The following GSG1L variants were observed in gnomAD, a reference collection of about 807,000 sequenced individuals.
The protein encoded by GSG1L is germ cell-specific gene 1-like protein.
GSG1L carries 24 observed loss-of-function variants against 42.1 expected under a neutral mutation model. That is an observed-to-expected ratio of 0.57 (90% CI 0.41 to 0.80). The LOEUF is 0.80. Among genes scored for constraint, GSG1L ranks in the 30% least tolerant of loss-of-function variants. The pLI, the probability that GSG1L is intolerant of heterozygous loss-of-function variation, is 0.00. For missense variants in GSG1L, 445 were observed against 472.2 expected (o/e 0.94, Z 0.53); for synonymous variants, 215 against 203.5 (o/e 1.06, Z -0.48).
chr16:27,933,399 C>A (rs1421346151), intron 2 of GSG1L, among the ~76,000 whole-genome samples: 1 of 152,090 alleles, frequency 6.6e-6, no homozygotes, highest in Non-Finnish European at 1.5e-5. Context: ...GGAATCCCAG[C>A]ACTTTGAGAA....
chr16:27,956,800 GA>G (rs750646949), intron 2 of GSG1L, among the ~76,000 whole-genome samples: 2,170 of 142,988 alleles, frequency 0.015, 58 homozygotes, highest in African/African-American at 0.052. Context: ...GACATGTGAG[GA>G]AAAAAAAAAA....
rs1417431514 is a variant in GSG1L at position 27,888,398 on chromosome 16, CTCCTTCTTTCTT to C, written c.398-3772_398-3761del. ...TGTGGTTCTTTCTTTCTTTTCTTTTCTCCTTCTTTCTTTCTTTCTTTCTTTCTTTCTTTCTTT... is the reference window on the plus strand; with the variant it reads ...TGTGGTTCTTTCTTTCTTTTCTTTTCTCTTTCTTTCTTTCTTTCTTTCTTT... On this transcript the variant is annotated intron_variant, in intron 2 of 6. Coordinates refer to ENST00000447459, the MANE Select transcript of GSG1L (RefSeq NM_001109763.2). Among the ~76,000 whole-genome samples, 12 of 141,174 alleles carry C rather than the reference CTCCTTCTTTCTT, an allele frequency of 8.5e-5. 1 individual carries two copies. The highest frequency in any genetic ancestry group is 6.4e-4 in the East Asian group (3 of 4,658). 92.6% of individuals were successfully genotyped at this position (141,174 alleles called of 152,430 possible).
intron 2 of GSG1L, among the ~76,000 whole-genome samples, chr16:27,958,721 G>A (rs765591374): frequency 1.6e-4 from 25 of 151,914 alleles, no homozygotes; most frequent in Admixed American, 2.6e-4. Flanking sequence ...TGTTGCCCAG[G>A]CTGGAGTGCA....
At chr16:27,838,659 T>C (rs1644617) in intron 4 of GSG1L, among the ~76,000 whole-genome samples, 48,862 of 152,018 alleles carry the variant, frequency 0.32, 8,052 homozygotes, top group Admixed American at 0.43. Flanking sequence ...GAGGTTGTAA[T>C]GGATCACTAA....
chr16:27,856,246 G>A (rs1391515554), intron 3 of GSG1L, among the ~76,000 whole-genome samples: 3 of 152,190 alleles, frequency 2.0e-5, no homozygotes, highest in African/African-American at 7.2e-5. Context: ...GGAGGGCAGG[G>A]ACAGTGGGGG....
chr16:27,914,279 A>T (rs563669578), intron 2 of GSG1L, among the ~76,000 whole-genome samples: 1 of 152,326 alleles, frequency 6.6e-6, no homozygotes, highest in South Asian at 2.1e-4. Context: ...ACCAGCAAAA[A>T]GACTGGAAAC....
At chr16:27,947,047 G>A (rs1380378782) in intron 2 of GSG1L, among the ~76,000 whole-genome samples, 2 of 152,216 alleles carry the variant, frequency 1.3e-5, no homozygotes, top group Non-Finnish European at 2.9e-5. Flanking sequence ...AGCCAGAGCT[G>A]GAATCTGAAC....
At chr16:27,796,255 C>T (rs2082816690) in intron 6 of GSG1L, among the ~76,000 whole-genome samples, 1 of 152,204 alleles carries the variant, frequency 6.6e-6, no homozygotes, top group Non-Finnish European at 1.5e-5. Context: ...AACTGTCTGT[C>T]TGCCCAACCT....
chr16:27,904,834 G>A (rs981850591), intron 2 of GSG1L, among the ~76,000 whole-genome samples: 35 of 152,266 alleles, frequency 2.3e-4, no homozygotes, highest in Admixed American at 7.8e-4. Flanking sequence ...CTCTGCTTCC[G>A]TGTCAAGAAA....
intron 1 of GSG1L, among the ~76,000 whole-genome samples, chr16:28,042,326 C>T (rs528959868): frequency 5.3e-5 from 8 of 151,964 alleles, no homozygotes; most frequent in African/African-American, 1.7e-4. Flanking sequence ...ATCCCAGCTA[C>T]TCAGGAGGCT....
chr16:27,982,460 G>C (rs1320724357), intron 1 of GSG1L, among the ~76,000 whole-genome samples: 2 of 152,202 alleles, frequency 1.3e-5, no homozygotes, highest in Admixed American at 6.5e-5. Flanking sequence ...AATTCCTGGG[G>C]AGGGCTTTTA....
intron 1 of GSG1L, among the ~76,000 whole-genome samples, chr16:28,026,414 G>A (rs1198283054): frequency 1.3e-5 from 2 of 152,196 alleles, no homozygotes; most frequent in Admixed American, 6.5e-5. Context: ...GACCTCAGCT[G>A]AAGCCCAAGG....
intron 4 of GSG1L, among the ~76,000 whole-genome samples, chr16:27,844,319 G>A (rs1453977536): frequency 6.6e-6 from 1 of 152,014 alleles, no homozygotes; most frequent in Non-Finnish European, 1.5e-5. Context: ...TGCAAACCCT[G>A]CTTTGAGGTG....
At chr16:27,814,742 G>A (rs2083075336) in intron 5 of GSG1L, among the ~76,000 whole-genome samples, 1 of 151,610 alleles carries the variant, frequency 6.6e-6, no homozygotes, top group Admixed American at 6.6e-5. Flanking sequence ...GGGAGGTGAG[G>A]GAGGGAGGAA....
At chr16:27,993,904 TAA>T (rs1198549441) in intron 1 of GSG1L, among the ~76,000 whole-genome samples, 1 of 152,066 alleles carries the variant, frequency 6.6e-6, no homozygotes, top group African/African-American at 2.4e-5. Flanking sequence ...ACATGTGCAC[TAA>T]GAGGACAGGG....
chr16:28,039,498 G>A (rs1223555499), intron 1 of GSG1L, among the ~76,000 whole-genome samples: 1 of 152,026 alleles, frequency 6.6e-6, no homozygotes, highest in African/African-American at 2.4e-5. Context: ...GGCCAAAGTT[G>A]AGAATCCCTC....
intron 1 of GSG1L, among the ~76,000 whole-genome samples, chr16:28,004,735 G>A (rs558236243): frequency 2.6e-5 from 4 of 152,096 alleles, no homozygotes; most frequent in Non-Finnish European, 4.4e-5. Flanking sequence ...CTATGATTGC[G>A]CCCCTGCTCT....
Position 27,791,392 on chromosome 16 carries a change from C to T in GSG1L, c.974G>A (p.Trp325Ter). The T allele has an allele frequency of 6.6e-7, 1 of 1,506,656 alleles. No individual in the cohort carries two copies. The highest frequency in any genetic ancestry group is 8.9e-7 in the Non-Finnish European group (1 of 1,121,814). The allele number at this position is 1,506,656 out of a possible 1,614,324, so 93.3% of individuals were successfully genotyped here. Reference protein sequence around the residue: ...QEAPELNRQCWVLGHWV With the variant: ...QEAPELNRQC ...TGGTCACACCCAGTGCCCCAAGACCCAGCACTGTCGGTTCAGCTCTGGTGC... is the reference window on the plus strand; with the variant it reads ...TGGTCACACCCAGTGCCCCAAGACCTAGCACTGTCGGTTCAGCTCTGGTGC... The change falls in exon 7 of 7, where the codon TGG (tryptophan) becomes TAG (stop). Residue 325 changes from tryptophan to a stop codon, truncating the protein, a stop_gained. Transcript: ENST00000447459. LOFTEE classifies it high-confidence loss of function.
intron 3 of GSG1L, among the ~76,000 whole-genome samples, chr16:27,867,461 G>A (rs546079176): frequency 6.6e-6 from 1 of 152,306 alleles, no homozygotes; most frequent in Non-Finnish European, 1.5e-5. Flanking sequence ...TATGGCTCAG[G>A]GGCAGGGCAG....
Sources: allele counts gnomAD v4.1 joint callset (sites outside exome capture counted in the v4.1 genomes callset), GRCh38; gene constraint gnomAD v4.1.1; transcripts MANE v1.5; gene names NCBI Gene and HGNC (gene_info 2026-07-23, HGNC 2026-07-21).